Variants in NR6A1 observed in about 807,000 individuals in gnomAD.
NR6A1 encodes the protein retinoic acid receptor-related testis-associated receptor.
NR6A1 carries 7 observed loss-of-function variants against 59.1 expected under a neutral mutation model. The ratio of observed to expected loss-of-function variants is 0.12; its 90% CI spans 0.07 to 0.22. The LOEUF (loss-of-function observed/expected upper bound fraction) is 0.22. Ranked by LOEUF, NR6A1 falls within the 10% of genes least tolerant of loss-of-function variation. The pLI, the probability that NR6A1 is intolerant of heterozygous loss-of-function variation, is 1.00. For missense variants in NR6A1, 468 were observed against 611.6 expected (o/e 0.77, Z 2.48); for synonymous variants, 243 against 236.1 (o/e 1.03, Z -0.27).
intron 1 of NR6A1, among the ~76,000 whole-genome samples, chr9:124,747,327 TG>T (rs1458688197): frequency 6.6e-6 from 1 of 152,004 alleles, no homozygotes; most frequent in African/African-American, 2.4e-5. Context: ...CTCGAGTAGC[TG>T]GGACTACAAT....
intron 2 of NR6A1, among the ~76,000 whole-genome samples, chr9:124,699,285 T>C (rs564394625): frequency 2.0e-5 from 3 of 152,318 alleles, no homozygotes; most frequent in African/African-American, 7.2e-5. Flanking sequence ...GCAGTATATG[T>C]GTGCAAGATG....
At chr9:124,575,588 T>C (rs1417559767) in intron 2 of NR6A1, among the ~76,000 whole-genome samples, 1 of 152,002 alleles carries the variant, frequency 6.6e-6, no homozygotes, top group Non-Finnish European at 1.5e-5. Flanking sequence ...AAATAAAAAA[T>C]AAAAAATTAA....
intron 2 of NR6A1, among the ~76,000 whole-genome samples, chr9:124,658,292 C>T (rs1049092435): frequency 6.6e-6 from 1 of 152,106 alleles, no homozygotes. Flanking sequence ...TCACATTTCA[C>T]CGATCAGGGC....
intron 6 of NR6A1, 135 bp downstream of exon 6, chr9:124,537,957 T>C (rs1833320240): frequency 1.5e-6 from 1 of 656,758 alleles, no homozygotes; most frequent in Non-Finnish European, 2.6e-6. Flanking sequence ...AAGCACAGAT[T>C]TGTCCCCTGA....
rs535018452 is a variant in NR6A1, at chr9:124,722,555, G to A, written c.142+10753C>T. On this transcript the variant is annotated intron_variant, in intron 2 of 9. Transcript: ENST00000487099. ...AAATATCTTTGGGATCCCAAGTCAC[G>A]TGACAGTTGAATGCAAAGCCAGAGC... Among the ~76,000 whole-genome samples, 778 of 152,220 alleles carry A rather than the reference G, an allele frequency of 5.1e-3. 2 individuals carry two copies. Among genetic ancestry groups the A allele is most frequent in the Non-Finnish European group, 8.5e-3 (576 of 68,018 alleles).
intron 2 of NR6A1, among the ~76,000 whole-genome samples, chr9:124,592,961 A>G (rs897880614): frequency 6.6e-6 from 1 of 152,252 alleles, no homozygotes; most frequent in African/African-American, 2.4e-5. Context: ...AGGATACAGT[A>G]AAACAGGAAT....
chr9:124,567,830 GCTT>G (rs1268533592), intron 2 of NR6A1, among the ~76,000 whole-genome samples: 1 of 122,064 alleles, frequency 8.2e-6, no homozygotes, highest in Non-Finnish European at 1.7e-5. Flanking sequence ...TTAAAAATTT[GCTT>G]TTTTTTTTTT....
At chr9:124,727,541 A>T (rs1172148885) in intron 2 of NR6A1, among the ~76,000 whole-genome samples, 1 of 152,246 alleles carries the variant, frequency 6.6e-6, no homozygotes, top group Admixed American at 6.5e-5. Context: ...AAGTATAACC[A>T]AATTAGCCAG....
At chr9:124,730,227 CA>C (rs916351531) in intron 2 of NR6A1, among the ~76,000 whole-genome samples, 1 of 152,098 alleles carries the variant, frequency 6.6e-6, no homozygotes, top group Non-Finnish European at 1.5e-5. Flanking sequence ...ACGCTAAGTA[CA>C]AATTTTTTGG....
chr9:124,553,382 T>C (rs1020062789), intron 3 of NR6A1, among the ~76,000 whole-genome samples: 1 of 152,094 alleles, frequency 6.6e-6, no homozygotes, highest in Non-Finnish European at 1.5e-5. Context: ...AGGCAGGACT[T>C]TTCATCTCAG....
intron 1 of NR6A1, among the ~76,000 whole-genome samples, chr9:124,761,295 C>T (rs1275784703): frequency 6.6e-6 from 1 of 152,152 alleles, no homozygotes; most frequent in African/African-American, 2.4e-5. Context: ...ATAATTAGAG[C>T]TCTTAGGAAG....
At position 124,771,298 on chromosome 9, in the gene NR6A1, G is replaced by C; in HGVS notation, c.-179C>G. 1 of 389,520 alleles carries C rather than the reference G, an allele frequency of 2.6e-6. No individual in the cohort carries two copies. The highest frequency in any genetic ancestry group is 4.5e-6 in the Non-Finnish European group (1 of 221,056). 24.1% of individuals were successfully genotyped at this position (389,520 alleles called of 1,614,324 possible). On this transcript the variant is annotated 5_prime_UTR_variant, in exon 1 of 10. Coordinates refer to ENST00000487099, the MANE Select transcript of NR6A1 (RefSeq NM_033334.4). The stretch of plus-strand genomic sequence containing the variant: ...GCCGCTCCGCGCCCCTCCGCGCCGC[G>C]CCCCCTCAGCACTGGCCAGCTCCCT...
chr9:124,563,277 G>A (rs1433286588), intron 2 of NR6A1, among the ~76,000 whole-genome samples: 3 of 152,162 alleles, frequency 2.0e-5, no homozygotes, highest in Admixed American at 2.0e-4. Flanking sequence ...AAAATTCCGT[G>A]AAACTTCAGT....
At chr9:124,674,510 ATG>A (rs1461543847) in intron 2 of NR6A1, among the ~76,000 whole-genome samples, 1 of 152,144 alleles carries the variant, frequency 6.6e-6, no homozygotes, top group Non-Finnish European at 1.5e-5. Context: ...CTGGGTTGTT[ATG>A]GGGATAAGAC....
In NR6A1 at chr9:124,538,129, G is replaced by C; in HGVS notation, c.787C>G (p.Leu263Val). 2.5e-6 allele frequency: 4 copies of C among 1,613,830 alleles called. No individual in the cohort carries two copies. Among genetic ancestry groups the C allele is most frequent in the Non-Finnish European group, 2.5e-6 (3 of 1,179,820 alleles). ...LIHQLLSAED[L>V]EPLGTPMLIE... ...AACATGGGCGTGCCCAATGGTTCCA[G>C]GTCCTCGGCTGATAACAGCTGGTGA... The change falls in exon 6 of 10, where the codon CTG becomes GTG. Residue 263 changes from leucine to valine, a missense_variant. By Grantham distance (32) the Leu-to-Val change is conservative. This residue lies in a region of NR6A1 where 151 missense variants were observed against 142.8 expected (regional missense o/e 1.06). Transcript: ENST00000487099.
In NR6A1 at chr9:124,536,000, G is replaced by T. The variant is rs147661132; in HGVS notation, c.957C>A (p.Leu319=). Residue 319 remains leucine, a synonymous_variant, in exon 7 of 10, where the codon CTC becomes CTA. Transcript: ENST00000487099. ...CELSIKDYTC[L]LSSTWQELIL... ...TTAGCTCCTGCCACGTAGAGCTCAA[G>T]AGGCACGTGTAATCCTTGATTGAGA... 15 of 1,614,112 alleles carry T rather than the reference G, an allele frequency of 9.3e-6. No homozygotes were observed. In the African/African-American group the frequency reaches 2.0e-4, roughly 22 times the overall value.
At chr9:124,538,859 C>T (rs1468449992) in intron 5 of NR6A1, among the ~76,000 whole-genome samples, 1 of 151,034 alleles carries the variant, frequency 6.6e-6, no homozygotes, top group African/African-American at 2.4e-5. Flanking sequence ...TAGATTTTTG[C>T]CTTCCTTTCC....
intron 2 of NR6A1, among the ~76,000 whole-genome samples, chr9:124,662,622 C>T (rs1472684388): frequency 6.6e-6 from 1 of 152,178 alleles, no homozygotes; most frequent in African/African-American, 2.4e-5. Context: ...ATTCAAAACA[C>T]AAGGCAAGCC....
intron 2 of NR6A1, among the ~76,000 whole-genome samples, chr9:124,560,743 T>G (rs1188733793): frequency 1.3e-5 from 2 of 152,208 alleles, no homozygotes; most frequent in East Asian, 3.9e-4. Flanking sequence ...GTATTTTTAG[T>G]AGAGACAGGG....
Sources: gnomAD v4.1 joint callset for allele counts (sites outside exome capture counted in the v4.1 genomes callset) on GRCh38, gnomAD v4.1.1 for gene constraint, gnomAD v4.1.1 regional missense constraint, MANE v1.5 for transcripts, NCBI Gene and HGNC (gene_info 2026-07-23, HGNC 2026-07-21) for gene names.